UGT1A4: variants seen among roughly 807,000 people sequenced by gnomAD.
UGT1A4 encodes UDP-glucuronosyltransferase 1A4.
In UGT1A4, 32 loss-of-function variants were observed where a neutral mutation model predicts 41.1. That is an observed-to-expected ratio of 0.78 (90% CI 0.59 to 1.05). The LOEUF (loss-of-function observed/expected upper bound fraction) is 1.05, where lower values mean the gene tolerates loss of function less well. UGT1A4 is among the 50% of genes least tolerant of loss of function. The pLI, the probability that UGT1A4 is intolerant of heterozygous loss-of-function variation, is 0.00. For missense variants in UGT1A4, 748 were observed against 677.4 expected, an observed-to-expected ratio of 1.10 and a Z score of -1.16; for synonymous variants, 283 against 265.1, an observed-to-expected ratio of 1.07 and a Z score of -0.66.
intron 1 of UGT1A4, among the ~76,000 whole-genome samples, chr2:233,766,718 A>C (rs1196148509): frequency 6.6e-6 from 1 of 152,074 alleles, no homozygotes; most frequent in East Asian, 1.9e-4. Flanking sequence ...CTCTAAGTGG[A>C]ATTATCACTG....
At chr2:233,767,602 A>G (rs1699426979) in intron 2 of UGT1A4, among the ~76,000 whole-genome samples, 1 of 152,192 alleles carries the variant, frequency 6.6e-6, no homozygotes, top group Non-Finnish European at 1.5e-5. Flanking sequence ...AGGAAAGTGA[A>G]AAAATCCTAA....
chr2:233,729,609 G>A (rs745477342), intron 1 of UGT1A4: 1 of 1,613,988 alleles, frequency 6.2e-7, no homozygotes, highest in South Asian at 1.1e-5. Context: ...CGGCAGTGCT[G>A]GCTAAGTACC....
Position 233,772,498 on chromosome 2 carries a change from A to C in UGT1A4, c.1544A>C (p.Tyr515Ser). The change falls in exon 5 of 5, where the codon TAC (tyrosine) becomes TCC (serine). Residue 515 changes from tyrosine to serine, a missense_variant. Physicochemically the swap from Tyr to Ser is moderately radical, Grantham distance 144 (BLOSUM62 -2). Coordinates refer to ENST00000373409, the MANE Select transcript of UGT1A4 (RefSeq NM_007120.3). ...FITFKCCAYG[Y>S]RKCLGKKGRV... is the part of the protein sequence containing the mutation. ...ACCTTTAAATGTTGTGCTTATGGCTACCGGAAATGCTTGGGGAAAAAAGGG... is the reference window on the plus strand; with the variant it reads ...ACCTTTAAATGTTGTGCTTATGGCTCCCGGAAATGCTTGGGGAAAAAAGGG... 1.2e-6 allele frequency: 2 copies of C among 1,614,186 alleles called. No individual in the cohort carries two copies. The highest frequency in any genetic ancestry group is 2.2e-5 in the South Asian group (2 of 91,082).
chr2:233,723,542 A>ATTTTTTTTTTTTTT (rs2077098328), intron 1 of UGT1A4, among the ~76,000 whole-genome samples: 1 of 74,520 alleles, frequency 1.3e-5, no homozygotes. Flanking sequence ...TTTTTAATTT[A>ATTTTTTTTTTTTTT]TTTTTTTATT....
At chr2:233,740,871 A>C (rs1370147954) in intron 1 of UGT1A4, 1 of 151,850 alleles carries the variant, frequency 6.6e-6, no homozygotes, top group Non-Finnish European at 1.5e-5. Context: ...TCTTTAAATA[A>C]AATGCTCTTG....
rs1375960685 is a variant in UGT1A4 at position 233,768,542 on chromosome 2, T to C, written c.1307+103T>C. On this transcript the variant is annotated intron_variant, in intron 4 of 4. Coordinates refer to ENST00000373409, the MANE Select transcript of UGT1A4 (RefSeq NM_007120.3). ...TAGCATTTAATAGCGTTGTTTCAAA[T>C]ATAAAAACAAATACATAAAAATCTG... 2.1e-6 allele frequency: 3 copies of C among 1,457,940 alleles called. No individual in the cohort carries two copies. In the African/African-American group the frequency reaches 4.3e-5, roughly 21 times the overall value. The allele number at this position is 1,457,940 out of a possible 1,614,324, so 90.3% of individuals were successfully genotyped here.
At chr2:233,746,793 T>G (rs1030985091) in intron 1 of UGT1A4, among the ~76,000 whole-genome samples, 4 of 151,826 alleles carry the variant, frequency 2.6e-5, no homozygotes, top group Non-Finnish European at 4.4e-5. Context: ...TTGTAATTCA[T>G]GAGCGTGAAT....
intron 1 of UGT1A4, among the ~76,000 whole-genome samples, chr2:233,725,204 A>AGAGGCAGAG (rs1559370312): frequency 1.2e-4 from 10 of 85,258 alleles, no homozygotes; most frequent in African/African-American, 8.3e-4. Context: ...AGGCAGAGGC[A>AGAGGCAGAG]GAGGCAGAGG....
chr2:233,767,728 C>A, intron 2 of UGT1A4, 121 bp from the exon 3 acceptor site: 1 of 1,556,454 alleles, frequency 6.4e-7, no homozygotes, highest in Non-Finnish European at 8.7e-7. Context: ...AGTTACTGAT[C>A]CTCCCACTCT....
intron 1 of UGT1A4, among the ~76,000 whole-genome samples, chr2:233,731,303 T>C (rs2078137906): frequency 6.6e-6 from 1 of 151,406 alleles, no homozygotes; most frequent in Non-Finnish European, 1.5e-5. Context: ...TTTTTTATTA[T>C]ACTTTAAGTT....
intron 1 of UGT1A4, among the ~76,000 whole-genome samples, chr2:233,758,743 G>T (rs1250346162): frequency 6.6e-6 from 1 of 152,162 alleles, no homozygotes; most frequent in East Asian, 1.9e-4. Context: ...CCCAAGTATG[G>T]CTGGCCAGTG....
At chr2:233,768,051 T>C in intron 3 of UGT1A4, 115 bp downstream of exon 3, 1 of 1,605,492 alleles carries the variant, frequency 6.2e-7, no homozygotes, top group South Asian at 1.1e-5. Flanking sequence ...CAACATATCC[T>C]ACATTGCTTT....
At chr2:233,727,155 T>C (rs2077588603) in intron 1 of UGT1A4, among the ~76,000 whole-genome samples, 1 of 152,182 alleles carries the variant, frequency 6.6e-6, no homozygotes, top group South Asian at 2.1e-4. Flanking sequence ...GGTCAGTCTT[T>C]CAGGATGCTT....
intron 1 of UGT1A4, chr2:233,755,152 C>G: frequency 1.5e-6 from 2 of 1,299,966 alleles, no homozygotes; most frequent in Non-Finnish European, 2.1e-6. Flanking sequence ...ACCGCTTCCT[C>G]CCTGTCCTCG....
At position 233,768,369 on chromosome 2, in the gene UGT1A4, A is replaced by T. The variant is rs1156645272; in HGVS notation, c.1237A>T (p.Thr413Ser). 8.1e-6 allele frequency: 13 copies of T among 1,614,034 alleles called. No homozygotes were observed. The South Asian group carries it at 1.1e-4, about 14-fold the overall frequency. Residue 413 changes from threonine to serine, a missense_variant, in exon 4 of 5, where the codon ACC (threonine) becomes TCC (serine). Thr to Ser is a moderately conservative substitution (Grantham distance 58). Coordinates refer to ENST00000373409, the MANE Select transcript of UGT1A4 (RefSeq NM_007120.3). ...CATGGAGACTAAGGGAGCTGGAGTG[A>T]CCCTGAATGTTCTGGAAATGACTTC... Reference protein sequence around the residue: ...KRMETKGAGVTLNVLEMTSED... With the variant: ...KRMETKGAGVSLNVLEMTSED...
intron 1 of UGT1A4, chr2:233,760,697 T>C (rs1697532735): frequency 6.2e-7 from 1 of 1,614,264 alleles, no homozygotes; most frequent in Non-Finnish European, 8.5e-7. Context: ...AAGGAGCTCA[T>C]GGCCTCCCTG....
chr2:233,767,898 C>A lies in UGT1A4; in HGVS notation c.1049C>A (p.Thr350Lys), dbSNP rs776227074. ...CGACCATCGAATCTTGCGAACAACA[C>A]GATACTTGTTAAGTGGCTACCCCAA... Reference protein sequence around the residue: ...GTRPSNLANNTILVKWLPQND... With the variant: ...GTRPSNLANNKILVKWLPQND... The change falls in exon 3 of 5, where the codon ACG becomes AAG. Residue 350 changes from threonine to lysine, a missense_variant. Thr to Lys is a moderately conservative substitution (Grantham distance 78, BLOSUM62 -1). Coordinates refer to ENST00000373409, the MANE Select transcript of UGT1A4 (RefSeq NM_007120.3). The A allele has an allele frequency of 1.2e-6, 2 of 1,614,152 alleles. No individual in the cohort carries two copies. Among genetic ancestry groups the A allele is most frequent in the Non-Finnish European group, 1.7e-6 (2 of 1,180,048 alleles).
chr2:233,731,757 G>A (rs2078201217), intron 1 of UGT1A4, among the ~76,000 whole-genome samples: 1 of 152,162 alleles, frequency 6.6e-6, no homozygotes. Flanking sequence ...GTGTGCATGT[G>A]TCCTTAGAGT....
intron 1 of UGT1A4, chr2:233,760,589 A>T: frequency 6.2e-7 from 1 of 1,614,196 alleles, no homozygotes; most frequent in South Asian, 1.1e-5. Flanking sequence ...AATGTTTTTG[A>T]GAATGATTCT....
Sources: gnomAD v4.1 joint callset for allele counts (sites outside exome capture counted in the v4.1 genomes callset) on GRCh38, gnomAD v4.1.1 for gene constraint, MANE v1.5 for transcripts, NCBI Gene and HGNC (gene_info 2026-07-23, HGNC 2026-07-21) for gene names.